The following MTMR9 variants were observed in gnomAD, a reference collection of about 807,000 sequenced individuals.
MTMR9 encodes myotubularin-related protein 9.
Under a neutral mutation model 69.5 loss-of-function variants are expected in MTMR9, and 39 were observed. The ratio of observed to expected loss-of-function variants is 0.56; its 90% CI spans 0.43 to 0.73. The LOEUF (loss-of-function observed/expected upper bound fraction) is 0.73. Ranked by LOEUF, MTMR9 falls within the 30% of genes least tolerant of loss-of-function variation. The pLI, the probability that MTMR9 is intolerant of heterozygous loss-of-function variation, is 0.00. For synonymous variants in MTMR9, 354 were observed against 240.8 expected, an observed-to-expected ratio of 1.47 and a Z score of -4.35; for missense variants, 900 against 671.2, an observed-to-expected ratio of 1.34 and a Z score of -3.77.
intron 3 of MTMR9, among the ~76,000 whole-genome samples, chr8:11,303,042 C>T (rs561540395): frequency 4.6e-5 from 7 of 151,286 alleles, no homozygotes; most frequent in South Asian, 2.1e-4. Flanking sequence ...TCATTCCCTC[C>T]GATTTATAAA....
intron 3 of MTMR9, among the ~76,000 whole-genome samples, chr8:11,302,509 G>C (rs984169943): frequency 3.9e-5 from 6 of 152,092 alleles, no homozygotes; most frequent in Admixed American, 3.9e-4. Context: ...CATGGTGTTA[G>C]ATTAACAGAG....
At chr8:11,331,094 A>T, downstream of MTMR9, 1 of 1,579,816 alleles carries the variant, frequency 6.3e-7, no homozygotes, top group Non-Finnish European at 8.6e-7. Flanking sequence ...GAGAGGAGAA[A>T]GTCCAAGGAA....
In MTMR9 at chr8:11,295,097, A is replaced by G. The variant is rs187443705; in HGVS notation, c.183-97A>G. ...ACTGAGGAGAAGAAAGTTAATATAG[A>G]TGGTAACTACAACTATATTCTCTTT... is the stretch of plus-strand genomic sequence containing the variant. On this transcript the variant is annotated intron_variant, in intron 1 of 9. Coordinates refer to ENST00000221086, the MANE Select transcript of MTMR9 (RefSeq NM_015458.4). The G allele has an allele frequency of 5.3e-4, 345 of 652,284 alleles. 1 individual carries two copies. Among genetic ancestry groups the G allele is most frequent in the African/African-American group, 3.5e-3 (186 of 53,864 alleles). The allele number at this position is 652,284 out of a possible 1,614,324, so 40.4% of individuals were successfully genotyped here. A position where few individuals can be genotyped will look rare whatever the true frequency, so the allele number is the denominator to read the frequency against.
At chr8:11,313,926 C>T (rs905944506) in intron 6 of MTMR9, among the ~76,000 whole-genome samples, 8 of 152,154 alleles carry the variant, frequency 5.3e-5, no homozygotes, top group South Asian at 2.1e-4. Flanking sequence ...ACTTAATTGA[C>T]GTGGGATAGC....
intron 3 of MTMR9, among the ~76,000 whole-genome samples, chr8:11,304,244 C>T (rs1261053708): frequency 6.6e-6 from 1 of 152,068 alleles, no homozygotes; most frequent in Non-Finnish European, 1.5e-5. Flanking sequence ...AAAGGTGTTA[C>T]CAATCTTAGT....
Position 11,298,382 on chromosome 8 carries a change from A to AAT in MTMR9, c.292-1626_292-1625dup, listed in dbSNP as rs113127569. On this transcript the variant is annotated intron_variant, in intron 2 of 9. Coordinates refer to ENST00000221086, the MANE Select transcript of MTMR9 (RefSeq NM_015458.4). ...CCAAAGACAGTATAGATGTAGGAAA[A>AAT]ATATATATATATATATTTATATGGA... is the stretch of plus-strand genomic sequence containing the variant. Among the ~76,000 whole-genome samples, 312 of 150,550 alleles carry AAT rather than the reference A, an allele frequency of 2.1e-3. 1 individual carries two copies. Among genetic ancestry groups the AAT allele is most frequent in the African/African-American group, 6.5e-3 (268 of 41,094 alleles).
At chr8:11,313,503 C>G (rs549997891) in intron 6 of MTMR9, among the ~76,000 whole-genome samples, 3 of 152,206 alleles carry the variant, frequency 2.0e-5, no homozygotes, top group African/African-American at 7.2e-5. Context: ...CAGCTTTCGA[C>G]GTGCCTTCCT....
chr8:11,306,195 T>G lies in MTMR9; in HGVS notation c.597T>G (p.Ile199Met). ...SYYHKKNGMV[I>M]MRSGQPLTGT... ...CAGCTTTATTATGCTTCTAGGTAAT[T>G]ATGCGAAGTGGTCAGCCACTCACTG... Residue 199 changes from isoleucine (I) to methionine (M), a missense_variant, in exon 5 of 10, where the codon ATT becomes ATG. Physicochemically the swap from Ile to Met is conservative, Grantham distance 10. Coordinates refer to ENST00000221086, the MANE Select transcript of MTMR9 (RefSeq NM_015458.4). The G allele has an allele frequency of 6.2e-7, 1 of 1,612,620 alleles. No individual in the cohort carries two copies. The highest frequency in any genetic ancestry group is 8.5e-7 in the Non-Finnish European group (1 of 1,179,822).
At chr8:11,331,261 G>T (rs147745991), downstream of MTMR9, 2,042 of 1,613,936 alleles carry the variant, frequency 1.3e-3, 14 homozygotes, top group Middle Eastern at 0.025. Context: ...CTGCCTGCTG[G>T]CTTCGTGGGC....
At chr8:11,287,849 A>G (rs1232967560) in intron 1 of MTMR9, among the ~76,000 whole-genome samples, 2 of 118,318 alleles carry the variant, frequency 1.7e-5, no homozygotes, top group Non-Finnish European at 3.2e-5. Flanking sequence ...ATATTTTATT[A>G]TATATGTTAT....
chr8:11,292,810 C>T (rs572255187), intron 1 of MTMR9, among the ~76,000 whole-genome samples: 116 of 152,282 alleles, frequency 7.6e-4, no homozygotes, highest in Non-Finnish European at 1.4e-3. Flanking sequence ...TTCTCTTGCC[C>T]AGTGACGTTG....
At chr8:11,288,814 T>G (rs1161335263) in intron 1 of MTMR9, among the ~76,000 whole-genome samples, 1 of 151,936 alleles carries the variant, frequency 6.6e-6, no homozygotes, top group Non-Finnish European at 1.5e-5. Context: ...TGGCAGAAAA[T>G]AAACTGTAGG....
intron 1 of MTMR9, 180 bp from the exon 2 acceptor site, chr8:11,295,014 T>C: frequency 2.3e-6 from 1 of 428,006 alleles, no homozygotes; most frequent in Admixed American, 4.0e-5. Context: ...AAGACATATA[T>C]TGTAAGTAAT....
intron 1 of MTMR9, among the ~76,000 whole-genome samples, chr8:11,287,290 C>G (rs1338706619): frequency 6.6e-6 from 1 of 152,164 alleles, no homozygotes; most frequent in Non-Finnish European, 1.5e-5. Context: ...CCTTTCCTTT[C>G]TTATTTACCT....
chr8:11,331,311 T>C (rs375737432), downstream of MTMR9: 1 of 1,613,974 alleles, frequency 6.2e-7, no homozygotes, highest in Non-Finnish European at 8.5e-7. Context: ...CAACCTGCCC[T>C]CGCTGGAGCT....
At chr8:11,330,600 T>C (rs1459144954), downstream of MTMR9, among the ~76,000 whole-genome samples, 3 of 152,222 alleles carry the variant, frequency 2.0e-5, no homozygotes, top group African/African-American at 7.2e-5. Flanking sequence ...TGGGATACTG[T>C]TGATCTGTGA....
At chr8:11,303,360 A>G (rs1460177042) in intron 3 of MTMR9, among the ~76,000 whole-genome samples, 1 of 151,798 alleles carries the variant, frequency 6.6e-6, no homozygotes, top group African/African-American at 2.4e-5. Flanking sequence ...TGAAAGTTCA[A>G]GAAATAACAG....
chr8:11,330,627 G>C (rs1372680064), downstream of MTMR9, among the ~76,000 whole-genome samples: 2 of 152,176 alleles, frequency 1.3e-5, no homozygotes, highest in African/African-American at 2.4e-5. Context: ...CCCCAGCCCT[G>C]TGCTCTCTGG....
At chr8:11,308,100 C>G (rs1161896657) in intron 5 of MTMR9, among the ~76,000 whole-genome samples, 2 of 152,098 alleles carry the variant, frequency 1.3e-5, no homozygotes, top group African/African-American at 4.8e-5. Context: ...AGGTCATATC[C>G]AAAATAACTT....
Sources: gnomAD v4.1 joint callset for allele counts (sites outside exome capture counted in the v4.1 genomes callset) on GRCh38, gnomAD v4.1.1 for gene constraint, MANE v1.5 for transcripts, NCBI Gene and HGNC (gene_info 2026-07-23, HGNC 2026-07-21) for gene names.